RXRA: variants seen among roughly 807,000 people sequenced by gnomAD.
RXRA encodes retinoid X receptor alpha.
A neutral mutation model predicts 44.5 loss-of-function variants in RXRA; 5 were observed. That is an observed-to-expected ratio of 0.11 (90% CI 0.06 to 0.24). The LOEUF (loss-of-function observed/expected upper bound fraction) is 0.24, where lower values mean the gene tolerates loss of function less well. Ranked by LOEUF, RXRA falls within the 10% of genes least tolerant of loss-of-function variation. The probability of loss-of-function intolerance (pLI) is 1.00; values close to 1 mark genes in which losing one functional copy is unlikely to be tolerated. For synonymous variants in RXRA, 291 were observed against 271.4 expected, an observed-to-expected ratio of 1.07 and a Z score of -0.71; for missense variants, 412 against 646.5, an observed-to-expected ratio of 0.64 and a Z score of 3.93.
chr9:134,435,150 G>T (rs1363358896), intron 9 of RXRA, among the ~76,000 whole-genome samples: 1 of 152,226 alleles, frequency 6.6e-6, no homozygotes, highest in African/African-American at 2.4e-5. Context: ...GGCCTGTGAG[G>T]CAGCCAACCA....
rs186563904 is a variant in RXRA, at chr9:134,382,960, C to T, written c.29-18672C>T. Among the ~76,000 whole-genome samples the T allele has an allele frequency of 2.6e-3, 393 of 152,282 alleles. 2 individuals are homozygous for T. The highest frequency in any genetic ancestry group is 9.0e-3 in the African/African-American group (376 of 41,552). ...GGCTGTCTGGACAGGACCTGGTTAG[C>T]GAGACCCTGGCTGAAGGGCCCAGAA... On this transcript the variant is annotated intron_variant, in intron 1 of 9. Transcript: ENST00000481739.
intron 3 of RXRA, 71 bp from the exon 4 acceptor site, chr9:134,408,869 C>T (rs1051379485): frequency 3.2e-5 from 44 of 1,384,620 alleles, no homozygotes; most frequent in Non-Finnish European, 3.9e-5. Flanking sequence ...GTAGTGGCGG[C>T]GTTGGATGGG....
Position 134,426,521 on chromosome 9 carries a change from CCG to C in RXRA, c.911-2585_911-2584del. 3 of 985,452 alleles carry C rather than the reference CCG, an allele frequency of 3.0e-6. No homozygotes were observed. The highest frequency in any genetic ancestry group is 3.6e-6 in the Non-Finnish European group (3 of 829,930). The allele number at this position is 985,452 out of a possible 1,614,324, so 61.0% of individuals were successfully genotyped here. ...GTGCCGGAGGGTGCAGAGAGAGACT[CCG>C]CACTGTTCTGTCCGTGTGTCTGGGC... On this transcript the variant is annotated intron_variant, in intron 6 of 9. Transcript: ENST00000481739. This position sits in a 1 kb window ranked among gnomAD's most constrained non-coding sequence, Gnocchi z 4.6.
In RXRA at chr9:134,366,656, G is replaced by A. The variant is rs145995615; in HGVS notation, c.29-34976G>A. 4.2e-3 allele frequency among the ~76,000 whole-genome samples: 645 copies of A among 152,280 alleles called. 3 individuals carry two copies. The highest frequency in any genetic ancestry group is 0.015 in the African/African-American group (611 of 41,552). ...GGCCTCCTCGTGAGGAGCTGGGTGG[G>A]GCTGGAGAAATCAGCTCCCGCCAGC... is the stretch of plus-strand genomic sequence containing the variant. On this transcript the variant is annotated intron_variant, in intron 1 of 9. Coordinates refer to ENST00000481739, the MANE Select transcript of RXRA (RefSeq NM_002957.6). The surrounding 1 kb of genome is among the most constrained non-coding windows in gnomAD (Gnocchi z 5.9).
At chr9:134,393,859 G>C (rs1384084669) in intron 1 of RXRA, among the ~76,000 whole-genome samples, 1 of 152,114 alleles carries the variant, frequency 6.6e-6, no homozygotes, top group South Asian at 2.1e-4. Context: ...CCACCACTGG[G>C]TCTAACCCCA....
chr9:134,431,650 G>A (rs116979376), intron 7 of RXRA, among the ~76,000 whole-genome samples: 3,367 of 152,304 alleles, frequency 0.022, 63 homozygotes, highest in Admixed American at 0.048. Context: ...ATAAAGCCCC[G>A]CAGGCAGACC....
chr9:134,396,113 G>A (rs10858277), intron 1 of RXRA, among the ~76,000 whole-genome samples: 80,595 of 152,100 alleles, frequency 0.53, 23,287 homozygotes, highest in East Asian at 0.73. Flanking sequence ...AGGGGAGACT[G>A]AGGCTCATCT....
In RXRA at chr9:134,436,833, A is replaced by G. The variant is rs931910524; in HGVS notation, c.*219A>G. The G allele has an allele frequency of 2.2e-5, 13 of 581,156 alleles. No homozygotes were observed. The highest frequency in any genetic ancestry group is 2.1e-4 in the African/African-American group (11 of 53,330). 36.0% of individuals were successfully genotyped at this position (581,156 alleles called of 1,614,324 possible). On this transcript the variant is annotated 3_prime_UTR_variant, in exon 10 of 10. Coordinates refer to ENST00000481739, the MANE Select transcript of RXRA (RefSeq NM_002957.6). The stretch of plus-strand genomic sequence containing the variant: ...AGGGCAGTGGCTTTCCTGAGGCAGC[A>G]GCCTTCGTGGCAAGAACTAGCGTGA...
chr9:134,388,282 A>AGTGTGTGTGTGT (rs766270667), intron 1 of RXRA, among the ~76,000 whole-genome samples: 7 of 17,882 alleles, frequency 3.9e-4, no homozygotes, highest in Non-Finnish European at 6.3e-4. Flanking sequence ...AGCTAGAAGC[A>AGTGTGTGTGTGT]GTGTGTGTGT....
At chr9:134,377,454 C>A (rs1237309316) in intron 1 of RXRA, among the ~76,000 whole-genome samples, 2 of 152,214 alleles carry the variant, frequency 1.3e-5, no homozygotes, top group East Asian at 3.8e-4. Flanking sequence ...CTCCTTAGAA[C>A]TCAGCCCTGC....
intron 1 of RXRA, among the ~76,000 whole-genome samples, chr9:134,340,263 G>C (rs1554747969): frequency 1.3e-5 from 2 of 152,192 alleles, no homozygotes; most frequent in Admixed American, 1.3e-4. Context: ...TGAGGGCTCG[G>C]GGTCCAGGAC....
chr9:134,416,269 A>G (rs1831232758), intron 4 of RXRA, among the ~76,000 whole-genome samples: 1 of 151,974 alleles, frequency 6.6e-6, no homozygotes, highest in African/African-American at 2.4e-5. Context: ...GGGCGGGAGG[A>G]GCCTCATGCG....
intron 1 of RXRA, among the ~76,000 whole-genome samples, chr9:134,353,425 C>A (rs782042005): frequency 3.3e-5 from 5 of 152,280 alleles, no homozygotes; most frequent in Admixed American, 6.5e-5. Context: ...CGGCCCCATG[C>A]ATGTACACCG....
chr9:134,371,271 C>A (rs965075613), intron 1 of RXRA, among the ~76,000 whole-genome samples: 1 of 152,162 alleles, frequency 6.6e-6, no homozygotes, highest in African/African-American at 2.4e-5. Context: ...GTCCCTTGAC[C>A]CCCCCAGGCC....
intron 2 of RXRA, chr9:134,405,103 G>C (rs990253314): frequency 7.2e-5 from 11 of 152,332 alleles, no homozygotes; most frequent in Admixed American, 7.2e-4. Context: ...GAGCCCACTG[G>C]GGGAGGGACA....
rs1288002781 is a variant in RXRA at position 134,366,947 on chromosome 9, C to T, written c.29-34685C>T. Among the ~76,000 whole-genome samples, 5 of 152,096 alleles carry T rather than the reference C, an allele frequency of 3.3e-5. No individual in the cohort carries two copies. Among genetic ancestry groups the T allele is most frequent in the South Asian group, 4.1e-4 (2 of 4,828 alleles). ...GCTGGGAGAAGGGGCTGGTGGTTCC[C>T]GGGCCTGCACATCCCCACCCCTGCC... On this transcript the variant is annotated intron_variant, in intron 1 of 9. Coordinates refer to ENST00000481739, the MANE Select transcript of RXRA (RefSeq NM_002957.6). The surrounding 1 kb of genome is among the most constrained non-coding windows in gnomAD (Gnocchi z 5.9).
Position 134,429,199 on chromosome 9 carries a change from G to A in RXRA, c.1002G>A (p.Arg334=). The change falls in exon 7 of 10, where the codon CGG becomes CGA. Residue 334 remains arginine (R), a synonymous_variant. Transcript: ENST00000481739. ...ILLATGLHVH[R]NSAHSAGVGA... ...TGGCCACCGGGCTGCACGTCCACCG[G>A]AACAGCGCCCACAGCGCAGGGGTGG... 6.2e-7 allele frequency: 1 copy of A among 1,612,932 alleles called. No individual in the cohort carries two copies. Among genetic ancestry groups the A allele is most frequent in the Non-Finnish European group, 8.5e-7 (1 of 1,179,936 alleles).
chr9:134,432,584 C>G (rs73558218), intron 8 of RXRA, among the ~76,000 whole-genome samples: 87 of 152,388 alleles, frequency 5.7e-4, no homozygotes, highest in African/African-American at 2.0e-3. Flanking sequence ...CTAGGTGCTA[C>G]TCCTTCGCCC....
intron 5 of RXRA, among the ~76,000 whole-genome samples, chr9:134,420,922 C>T (rs1831319516): frequency 6.6e-6 from 1 of 152,232 alleles, no homozygotes; most frequent in African/African-American, 2.4e-5. Context: ...CTCTCTGTGC[C>T]TGGGGCCTGG....
Sources: gnomAD v4.1 joint callset for allele counts (sites outside exome capture counted in the v4.1 genomes callset) on GRCh38, gnomAD v4.1.1 for gene constraint, Gnocchi (gnomAD v3.1) non-coding constraint, MANE v1.5 for transcripts, NCBI Gene and HGNC (gene_info 2026-07-23, HGNC 2026-07-21) for gene names.